THSD7B: variants seen among roughly 807,000 people sequenced by gnomAD.
THSD7B encodes thrombospondin type-1 domain-containing protein 7B.
In THSD7B, 138 loss-of-function variants were observed where a neutral mutation model predicts 213.6. The observed-to-expected ratio is 0.65, with a 90% CI of 0.56 to 0.74. THSD7B has a LOEUF of 0.74. Ranked by LOEUF, THSD7B falls within the 30% of genes least tolerant of loss-of-function variation. THSD7B has a pLI of 0.00. For missense variants in THSD7B, 1,931 were observed against 1,991.5 expected (o/e 0.97, Z 0.58); for synonymous variants, 742 against 687.0 (o/e 1.08, Z -1.25).
chr2:137,032,824 A>T (rs536362189), intron 2 of THSD7B, among the ~76,000 whole-genome samples: 1 of 152,314 alleles, frequency 6.6e-6, no homozygotes, highest in East Asian at 1.9e-4. Context: ...CCTTTAATTT[A>T]TCATTGTTAA....
At chr2:136,981,447 T>C (rs1256977974) in intron 2 of THSD7B, among the ~76,000 whole-genome samples, 2 of 152,238 alleles carry the variant, frequency 1.3e-5, no homozygotes, top group African/African-American at 4.8e-5. Context: ...TCTACATGAA[T>C]TTTTCTTTGC....
At chr2:137,213,243 G>A (rs1292194778) in intron 7 of THSD7B, among the ~76,000 whole-genome samples, 1 of 150,870 alleles carries the variant, frequency 6.6e-6, no homozygotes, top group African/African-American at 2.4e-5. Context: ...TAGATATCAG[G>A]TAGGTATCTG....
At position 137,676,607 on chromosome 2, in the gene THSD7B, C is replaced by A. The variant is rs1256527213; in HGVS notation, c.*2C>A. ...TACGATGGAGACTTAGACATGTAAT[C>A]TGAAAAAGAAATCCAAATGTAGACA... On this transcript the variant is annotated 3_prime_UTR_variant, in exon 28 of 28. Coordinates refer to ENST00000409968, the MANE Select transcript of THSD7B (RefSeq NM_001316349.2). The A allele has an allele frequency of 3.2e-6, 5 of 1,566,246 alleles. No homozygotes were observed. The East Asian group carries it at 1.2e-4, about 36-fold the overall frequency.
intron 15 of THSD7B, among the ~76,000 whole-genome samples, chr2:137,528,682 C>T (rs1347428198): frequency 6.6e-6 from 1 of 152,018 alleles, no homozygotes; most frequent in African/African-American, 2.4e-5. Flanking sequence ...CCTTAGATTT[C>T]CTGTTTGCAT....
In THSD7B at chr2:137,357,404, C is replaced by T. The variant is rs115040174; in HGVS notation, c.2501-48209C>T. 5.3e-5 allele frequency among the ~76,000 whole-genome samples: 8 copies of T among 151,696 alleles called. No individual in the cohort carries two copies. The South Asian group carries it at 1.7e-3, about 31-fold the overall frequency. On this transcript the variant is annotated intron_variant, in intron 12 of 27. Transcript: ENST00000409968. Reference sequence around the variant, plus strand: ...GGGAAAAATAATATGTTTTTCTGAGCTTTAGAGTTTTTTTGTTTGTTTGTT... The same window carrying T: ...GGGAAAAATAATATGTTTTTCTGAGTTTTAGAGTTTTTTTGTTTGTTTGTT...
intron 17 of THSD7B, among the ~76,000 whole-genome samples, chr2:137,607,195 C>T (rs777809548): frequency 1.5e-4 from 23 of 152,126 alleles, no homozygotes; most frequent in Non-Finnish European, 3.1e-4. Context: ...TTATATTTCT[C>T]TCATTGAAAA....
chr2:136,978,671 A>G (rs1396331315), intron 2 of THSD7B, among the ~76,000 whole-genome samples: 1 of 151,920 alleles, frequency 6.6e-6, no homozygotes, highest in Non-Finnish European at 1.5e-5. Context: ...TTTTGAGCCT[A>G]TGTTTGTCTT....
chr2:137,267,026 C>T (rs540235385), intron 10 of THSD7B, among the ~76,000 whole-genome samples: 17 of 152,302 alleles, frequency 1.1e-4, no homozygotes, highest in East Asian at 1.9e-4. Flanking sequence ...CATTTCTTCT[C>T]GCTTTGCTAT....
chr2:137,333,013 C>T (rs1057383103), intron 12 of THSD7B, among the ~76,000 whole-genome samples: 3 of 152,080 alleles, frequency 2.0e-5, no homozygotes, highest in Non-Finnish European at 4.4e-5. Flanking sequence ...GTTAGGTGGC[C>T]CTGTAGTATC....
intron 2 of THSD7B, among the ~76,000 whole-genome samples, chr2:136,899,233 G>A (rs1558844089): frequency 6.6e-6 from 1 of 152,070 alleles, no homozygotes; most frequent in Non-Finnish European, 1.5e-5. Flanking sequence ...CCACCTTGTA[G>A]GCTATGTCGA....
At chr2:137,274,565 C>A (rs1018105533) in intron 11 of THSD7B, among the ~76,000 whole-genome samples, 1 of 152,034 alleles carries the variant, frequency 6.6e-6, no homozygotes, top group South Asian at 2.1e-4. Flanking sequence ...CATTTAACTT[C>A]TCTGAGCCTG....
intron 2 of THSD7B, among the ~76,000 whole-genome samples, chr2:136,899,483 A>G (rs1684026933): frequency 6.6e-6 from 1 of 152,214 alleles, no homozygotes; most frequent in African/African-American, 2.4e-5. Flanking sequence ...TATTTCAGTA[A>G]ACGCACAAAT....
At chr2:137,673,961 G>A (rs756147067) in intron 27 of THSD7B, among the ~76,000 whole-genome samples, 14 of 152,150 alleles carry the variant, frequency 9.2e-5, no homozygotes, top group Non-Finnish European at 1.8e-4. Context: ...AAGGTCCAAG[G>A]CCTACCTATT....
At chr2:137,014,993 G>A (rs1380958315) in intron 2 of THSD7B, among the ~76,000 whole-genome samples, 1 of 152,052 alleles carries the variant, frequency 6.6e-6, no homozygotes, top group East Asian at 1.9e-4. Flanking sequence ...CCTCTAAGAG[G>A]TCTTCTCTGG....
intron 9 of THSD7B, among the ~76,000 whole-genome samples, chr2:137,240,527 G>A (rs1681876606): frequency 6.6e-6 from 1 of 151,120 alleles, no homozygotes; most frequent in Non-Finnish European, 1.5e-5. Flanking sequence ...TTCTTTTTTA[G>A]AGACAGAGTC....
chr2:137,301,558 G>A (rs532594531), intron 12 of THSD7B, among the ~76,000 whole-genome samples: 12 of 151,938 alleles, frequency 7.9e-5, no homozygotes, highest in Non-Finnish European at 1.6e-4. Flanking sequence ...ATGAGGTGAA[G>A]AGAATGGCTC....
chr2:137,058,879 T>C (rs2043224), intron 3 of THSD7B, among the ~76,000 whole-genome samples: 3,966 of 152,264 alleles, frequency 0.026, 133 homozygotes, highest in African/African-American at 0.078. Context: ...GTGACTATGC[T>C]GGTACCCTGG....
At chr2:137,497,506 A>G (rs1679597753) in intron 15 of THSD7B, among the ~76,000 whole-genome samples, 1 of 152,062 alleles carries the variant, frequency 6.6e-6, no homozygotes, top group Non-Finnish European at 1.5e-5. Flanking sequence ...CAAATGTACC[A>G]ATTGCATACA....
intron 14 of THSD7B, among the ~76,000 whole-genome samples, chr2:137,417,551 C>T (rs998090576): frequency 6.6e-6 from 1 of 152,054 alleles, no homozygotes; most frequent in Non-Finnish European, 1.5e-5. Flanking sequence ...GTGATCCTCC[C>T]GCCTCAGCCT....
Sources: allele counts gnomAD v4.1 joint callset (sites outside exome capture counted in the v4.1 genomes callset), GRCh38; gene constraint gnomAD v4.1.1; transcripts MANE v1.5; gene names NCBI Gene and HGNC (gene_info 2026-07-23, HGNC 2026-07-21).